Variants in TENM2 observed in about 807,000 individuals in gnomAD.
The protein encoded by TENM2 is teneurin-2.
Under a neutral mutation model 245.2 loss-of-function variants are expected in TENM2, and 52 were observed. The ratio of observed to expected loss-of-function variants is 0.21; its 90% CI spans 0.17 to 0.27. The LOEUF is 0.27. Among genes scored for constraint, TENM2 ranks in the 10% least tolerant of loss-of-function variants. TENM2 has a pLI of 1.00. For synonymous variants in TENM2, 1,363 were observed against 1,438.9 expected, an observed-to-expected ratio of 0.95 and a Z score of 1.19; for missense variants, 3,046 against 3,666.8, an observed-to-expected ratio of 0.83 and a Z score of 4.37.
intron 2 of TENM2, among the ~76,000 whole-genome samples, chr5:167,415,951 T>G (rs1054125746): frequency 6.6e-6 from 1 of 152,172 alleles, no homozygotes; most frequent in Non-Finnish European, 1.5e-5. Flanking sequence ...AGAATTAGTA[T>G]GCTATGATGA....
At chr5:168,223,362 G>T (rs771556509) in intron 23 of TENM2, among the ~76,000 whole-genome samples, 102 of 152,204 alleles carry the variant, frequency 6.7e-4, no homozygotes, top group Non-Finnish European at 1.2e-3. Context: ...ACTGAGTACC[G>T]CACTAGACAC....
chr5:167,825,888 G>A (rs907257233), intron 2 of TENM2, among the ~76,000 whole-genome samples: 7 of 150,986 alleles, frequency 4.6e-5, no homozygotes, highest in Non-Finnish European at 1.0e-4. Flanking sequence ...AAACAACTGT[G>A]ACCCAGGTAT....
the TENM2 span, among the ~76,000 whole-genome samples, chr5:167,268,867 AAGATACATAGAT>A: frequency 7.9e-6 from 1 of 126,914 alleles, no homozygotes; most frequent in Non-Finnish European, 1.7e-5. Context: ...TCCTTTCCAA[AAGATACATAGAT>A]AGATAGATAG....
At chr5:167,340,472 A>G (rs1758029649) in intron 1 of TENM2, among the ~76,000 whole-genome samples, 1 of 152,158 alleles carries the variant, frequency 6.6e-6, no homozygotes, top group South Asian at 2.1e-4. Context: ...TGACTTGCAA[A>G]TGTCTACTTT....
At chr5:167,916,692 G>A (rs1163486861) in intron 3 of TENM2, among the ~76,000 whole-genome samples, 5 of 152,174 alleles carry the variant, frequency 3.3e-5, no homozygotes, top group East Asian at 3.9e-4. Flanking sequence ...AGCAGAGCTC[G>A]GATCTTCCTG....
intron 2 of TENM2, among the ~76,000 whole-genome samples, chr5:167,557,760 C>G (rs189106564): frequency 6.6e-6 from 1 of 152,072 alleles, no homozygotes; most frequent in Non-Finnish European, 1.5e-5. Context: ...ACTGGCATCT[C>G]GTGGATCCAG....
chr5:167,701,858 A>G (rs942004668), intron 2 of TENM2, among the ~76,000 whole-genome samples: 3 of 152,146 alleles, frequency 2.0e-5, no homozygotes, highest in African/African-American at 4.8e-5. Context: ...ACCTTTCCTT[A>G]TTGATATTTA....
At chr5:167,251,892 G>T in the TENM2 span, among the ~76,000 whole-genome samples, 1 of 152,178 alleles carries the variant, frequency 6.6e-6, no homozygotes, top group Admixed American at 6.6e-5. Context: ...GATAGATAAT[G>T]TTGGAGAAAT....
intron 4 of TENM2, among the ~76,000 whole-genome samples, chr5:167,963,940 T>C (rs1302899806): frequency 6.6e-6 from 1 of 152,216 alleles, no homozygotes; most frequent in African/African-American, 2.4e-5. Context: ...AAATTTGTAC[T>C]ACCAAAAGCA....
chr5:167,605,992 T>C (rs530680389), intron 2 of TENM2, among the ~76,000 whole-genome samples: 27 of 152,324 alleles, frequency 1.8e-4, no homozygotes, highest in Middle Eastern at 3.4e-3. Context: ...GGAAAACCAC[T>C]AATTCTAATC....
chr5:167,909,574 G>GT (rs1336064973), intron 3 of TENM2, among the ~76,000 whole-genome samples: 22 of 152,262 alleles, frequency 1.4e-4, no homozygotes, highest in African/African-American at 4.3e-4. Context: ...AGGTTAAGAG[G>GT]TTTTTTACAG....
At chr5:167,838,239 G>C (rs1416696668) in intron 2 of TENM2, among the ~76,000 whole-genome samples, 1 of 152,156 alleles carries the variant, frequency 6.6e-6, no homozygotes, top group Non-Finnish European at 1.5e-5. Context: ...TCCAATGTTG[G>C]GATCTCCAGG....
the TENM2 span, among the ~76,000 whole-genome samples, chr5:167,206,859 G>A: frequency 1.3e-5 from 2 of 152,112 alleles, no homozygotes; most frequent in African/African-American, 2.4e-5. Context: ...TATGACTTGA[G>A]ATAATAATTG....
chr5:167,222,016 C>T, the TENM2 span, among the ~76,000 whole-genome samples: 3 of 152,102 alleles, frequency 2.0e-5, no homozygotes, highest in African/African-American at 4.8e-5. Context: ...CTCAATTCTA[C>T]GTCGTTTGAG....
intron 2 of TENM2, among the ~76,000 whole-genome samples, chr5:167,603,182 G>A (rs894495844): frequency 2.6e-5 from 4 of 152,076 alleles, no homozygotes; most frequent in African/African-American, 9.7e-5. Context: ...CTTGTTAGGG[G>A]CTAGTAATCA....
At chr5:168,057,931 T>TCC (rs1483016619) in intron 6 of TENM2, among the ~76,000 whole-genome samples, 10 of 151,810 alleles carry the variant, frequency 6.6e-5, no homozygotes, top group Non-Finnish European at 1.3e-4. Flanking sequence ...ACTCTCTCTC[T>TCC]CTCTCTGGGC....
At chr5:167,698,679 G>GTTTTTTTTTTTTTTTTTTT (rs1225922111) in intron 2 of TENM2, among the ~76,000 whole-genome samples, 126 of 97,706 alleles carry the variant, frequency 1.3e-3, no homozygotes, top group Non-Finnish European at 2.0e-3. Flanking sequence ...TTTGTTTTTT[G>GTTTTTTTTTTTTTTTTTTT]TTTTTTTTTT....
At chr5:167,614,600 G>A (rs1305615248) in intron 2 of TENM2, among the ~76,000 whole-genome samples, 2 of 152,046 alleles carry the variant, frequency 1.3e-5, no homozygotes, top group Admixed American at 1.3e-4. Flanking sequence ...AGTAGAAAAC[G>A]CTTTTAGGGT....
At chr5:167,474,624 C>A (rs1767249031) in intron 2 of TENM2, among the ~76,000 whole-genome samples, 1 of 151,734 alleles carries the variant, frequency 6.6e-6, no homozygotes, top group Non-Finnish European at 1.5e-5. Context: ...GGGAATTCTC[C>A]CTGCCTCAGC....
Sources: allele counts gnomAD v4.1 joint callset (sites outside exome capture counted in the v4.1 genomes callset), GRCh38; gene constraint gnomAD v4.1.1; transcripts MANE v1.5; gene names NCBI Gene and HGNC (gene_info 2026-07-23, HGNC 2026-07-21).